COMMD10: variants seen among roughly 807,000 people sequenced by gnomAD.
The protein encoded by COMMD10 is COMM domain containing 10.
A neutral mutation model predicts 28.9 loss-of-function variants in COMMD10; 33 were observed. The ratio of observed to expected loss-of-function variants is 1.14; its 90% confidence interval spans 0.87 to 1.53. COMMD10 has a LOEUF of 1.53. Ranked by LOEUF, COMMD10 falls within the 40% of genes most tolerant of loss-of-function variation. The probability of loss-of-function intolerance (pLI) is 0.00; values close to 1 mark genes in which losing one functional copy is unlikely to be tolerated. For synonymous variants in COMMD10, 110 were observed against 81.7 expected (o/e 1.35, Z -1.87); for missense variants, 310 against 233.4 (o/e 1.33, Z -2.14).
chr5:116,085,500 T>G (rs908303964), intron 1 of COMMD10: 1 of 211,524 alleles, frequency 4.7e-6, no homozygotes, highest in Non-Finnish European at 9.4e-6. Context: ...AGGCTCACGC[T>G]GCTGCTGGAG....
chr5:116,239,805 G>C (rs958855249), intron 5 of COMMD10, among the ~76,000 whole-genome samples: 1 of 152,264 alleles, frequency 6.6e-6, no homozygotes, highest in African/African-American at 2.4e-5. Context: ...TTCTCGCAGA[G>C]TTTACAGCTA....
At chr5:116,112,114 C>G (rs2112738089) in intron 4 of COMMD10, among the ~76,000 whole-genome samples, 1 of 152,216 alleles carries the variant, frequency 6.6e-6, no homozygotes, top group Non-Finnish European at 1.5e-5. Context: ...TTGACAAATT[C>G]TCTTAGTATT....
At chr5:116,188,749 C>T (rs1748239885) in intron 5 of COMMD10, among the ~76,000 whole-genome samples, 1 of 151,748 alleles carries the variant, frequency 6.6e-6, no homozygotes, top group Non-Finnish European at 1.5e-5. Flanking sequence ...CCACCTCAGC[C>T]TCCCAAGTAG....
intron 5 of COMMD10, among the ~76,000 whole-genome samples, chr5:116,195,660 A>G (rs552556584): frequency 6.6e-6 from 1 of 152,204 alleles, no homozygotes; most frequent in Non-Finnish European, 1.5e-5. Flanking sequence ...GAAATCATAG[A>G]TGACCCAAAC....
chr5:116,106,020 C>T (rs1030991149), intron 4 of COMMD10, among the ~76,000 whole-genome samples: 21 of 151,074 alleles, frequency 1.4e-4, no homozygotes, highest in Admixed American at 6.6e-5. Context: ...TTTGTTTGCT[C>T]TTGCTTCTCT....
intron 4 of COMMD10, among the ~76,000 whole-genome samples, chr5:116,114,116 T>G (rs372348124): frequency 6.6e-6 from 1 of 152,244 alleles, no homozygotes; most frequent in African/African-American, 2.4e-5. Context: ...TGTGGTGAAA[T>G]TATGCTAGGG....
In COMMD10 at chr5:116,109,158, A is replaced by G. The variant is rs185432270; in HGVS notation, c.399+16458A>G. Among the ~76,000 whole-genome samples, 20 of 152,294 alleles carry G rather than the reference A, an allele frequency of 1.3e-4. No homozygotes were observed. In the East Asian group the frequency reaches 3.9e-3, roughly 29 times the overall value. ...TTCTTTTTGGCCGTCTTGCCAGCATATCATCATAATAGTTCTTTTGACCCA... is the reference window on the plus strand; with the variant it reads ...TTCTTTTTGGCCGTCTTGCCAGCATGTCATCATAATAGTTCTTTTGACCCA... On this transcript the variant is annotated intron_variant, in intron 4 of 6. Coordinates refer to ENST00000274458, the MANE Select transcript of COMMD10 (RefSeq NM_016144.4).
chr5:116,088,874 G>T (rs1325777626), intron 2 of COMMD10, among the ~76,000 whole-genome samples: 1 of 152,108 alleles, frequency 6.6e-6, no homozygotes, highest in Non-Finnish European at 1.5e-5. Flanking sequence ...ACCTATTAAT[G>T]TGTCTTCCTC....
chr5:116,157,455 G>A (rs1508872), intron 5 of COMMD10, among the ~76,000 whole-genome samples: 7,527 of 152,206 alleles, frequency 0.049, 268 homozygotes, highest in Admixed American at 0.093. Context: ...TTTAATCAGT[G>A]GGATGAGTGG....
At chr5:116,182,064 G>C (rs1561653127) in intron 5 of COMMD10, among the ~76,000 whole-genome samples, 2 of 152,020 alleles carry the variant, frequency 1.3e-5, no homozygotes, top group African/African-American at 4.8e-5. Flanking sequence ...GGAGATGATT[G>C]ATACTATTAG....
chr5:116,229,848 GA>G, intron 5 of COMMD10, among the ~76,000 whole-genome samples: 1 of 151,656 alleles, frequency 6.6e-6, no homozygotes, highest in Non-Finnish European at 1.5e-5. Flanking sequence ...TATTTAAGAT[GA>G]AAAAACCCCC....
intron 5 of COMMD10, among the ~76,000 whole-genome samples, chr5:116,146,017 G>A (rs537801681): frequency 6.6e-6 from 1 of 151,850 alleles, no homozygotes; most frequent in Non-Finnish European, 1.5e-5. Flanking sequence ...TTATAGAGGA[G>A]CCTCAAATAG....
intron 4 of COMMD10, among the ~76,000 whole-genome samples, chr5:116,127,193 C>T (rs1751684782): frequency 6.6e-6 from 1 of 152,164 alleles, no homozygotes. Flanking sequence ...CATCACTGGC[C>T]ATCAGAGAAA....
chr5:116,095,668 AC>A (rs1354602744), intron 4 of COMMD10, among the ~76,000 whole-genome samples: 3 of 151,944 alleles, frequency 2.0e-5, no homozygotes, highest in African/African-American at 7.3e-5. Flanking sequence ...CTTTTCATGA[AC>A]CTACTTCTGG....
At chr5:116,254,956 G>C (rs1468475962) in intron 5 of COMMD10, among the ~76,000 whole-genome samples, 1 of 151,306 alleles carries the variant, frequency 6.6e-6, no homozygotes, top group Admixed American at 6.6e-5. Context: ...GGTCACTCAG[G>C]ACTTGCTTTA....
At chr5:116,098,276 T>C (rs978931386) in intron 4 of COMMD10, among the ~76,000 whole-genome samples, 4 of 152,188 alleles carry the variant, frequency 2.6e-5, no homozygotes, top group Admixed American at 2.6e-4. Context: ...AACAAAAATA[T>C]ATTACACTGA....
chr5:116,254,032 A>G (rs577121382), intron 5 of COMMD10, among the ~76,000 whole-genome samples: 11 of 152,124 alleles, frequency 7.2e-5, no homozygotes, highest in Non-Finnish European at 1.0e-4. Flanking sequence ...TTGGGAGAGT[A>G]TATGTGTCAA....
chr5:116,239,552 G>A (rs1749760855), intron 5 of COMMD10, among the ~76,000 whole-genome samples: 1 of 151,816 alleles, frequency 6.6e-6, no homozygotes, highest in Non-Finnish European at 1.5e-5. Flanking sequence ...GACTCTTGTA[G>A]CATTTAGCTT....
chr5:116,124,072 G>A (rs894192072), intron 4 of COMMD10, among the ~76,000 whole-genome samples: 5 of 151,920 alleles, frequency 3.3e-5, no homozygotes, highest in African/African-American at 1.2e-4. Flanking sequence ...GTCTCCTTCA[G>A]TTTTGCTCTG....
Sources: allele counts gnomAD v4.1 joint callset (sites outside exome capture counted in the v4.1 genomes callset), GRCh38; gene constraint gnomAD v4.1.1; transcripts MANE v1.5; gene names NCBI Gene and HGNC (gene_info 2026-07-23, HGNC 2026-07-21).